Variants in AKAP19 observed in about 807,000 individuals in gnomAD.
AKAP19 encodes small A-kinase anchoring protein.
chr2:190,005,397 C>T, the AKAP19 span, among the ~76,000 whole-genome samples: 1 of 152,168 alleles, frequency 6.6e-6, no homozygotes, highest in East Asian at 1.9e-4. Context: ...AATCCTTTAG[C>T]TAGACACAGA....
chr2:190,026,381 C>A, the AKAP19 span, among the ~76,000 whole-genome samples: 1 of 152,164 alleles, frequency 6.6e-6, no homozygotes, highest in Admixed American at 6.5e-5. Context: ...CACAATGTAA[C>A]TTTATCAGTT....
chr2:190,122,644 T>C, the AKAP19 span, among the ~76,000 whole-genome samples: 1 of 152,328 alleles, frequency 6.6e-6, no homozygotes, highest in African/African-American at 2.4e-5. Flanking sequence ...GACTCCACAA[T>C]AGTGCTTGGC....
At chr2:189,923,584 C>A in the AKAP19 span, 4 of 1,614,032 alleles carry the variant, frequency 2.5e-6, 1 homozygote, top group South Asian at 2.2e-5. Context: ...TAGATATTAA[C>A]CTGGCTGCAG....
At chr2:189,997,384 G>T in the AKAP19 span, among the ~76,000 whole-genome samples, 2 of 152,302 alleles carry the variant, frequency 1.3e-5, no homozygotes, top group South Asian at 4.2e-4. Context: ...ACTGGGGCAG[G>T]TAGAGAAATA....
chr2:190,134,294 C>G, the AKAP19 span, among the ~76,000 whole-genome samples: 1 of 152,024 alleles, frequency 6.6e-6, no homozygotes, highest in Admixed American at 6.5e-5. Context: ...TGATGTTACT[C>G]CTGGGACCAG....
the AKAP19 span, among the ~76,000 whole-genome samples, chr2:189,970,709 A>G: frequency 1.3e-5 from 2 of 152,242 alleles, no homozygotes; most frequent in Admixed American, 1.3e-4. Flanking sequence ...AGGCAAGAGT[A>G]TCTTTTGGTT....
At chr2:190,024,328 G>GTATA in the AKAP19 span, among the ~76,000 whole-genome samples, 25 of 144,546 alleles carry the variant, frequency 1.7e-4, no homozygotes, top group African/African-American at 6.3e-4. Flanking sequence ...GTGTGTGTGT[G>GTATA]TATATATATA....
chr2:190,181,971 A>C, the AKAP19 span, among the ~76,000 whole-genome samples: 1 of 152,252 alleles, frequency 6.6e-6, no homozygotes, highest in African/African-American at 2.4e-5. Flanking sequence ...GGTCTGGAAG[A>C]ATAATTTCAG....
At chr2:190,162,557 A>C in the AKAP19 span, among the ~76,000 whole-genome samples, 1 of 152,196 alleles carries the variant, frequency 6.6e-6, no homozygotes, top group African/African-American at 2.4e-5. Flanking sequence ...CTGCTACTAC[A>C]TTTATGACTA....
At chr2:190,148,522 A>T in the AKAP19 span, among the ~76,000 whole-genome samples, 1 of 152,180 alleles carries the variant, frequency 6.6e-6, no homozygotes, top group Non-Finnish European at 1.5e-5. Context: ...TGGCTTCATA[A>T]AATGAATTAG....
chr2:190,104,226 T>C, the AKAP19 span, among the ~76,000 whole-genome samples: 1 of 152,194 alleles, frequency 6.6e-6, no homozygotes, highest in Non-Finnish European at 1.5e-5. Flanking sequence ...CCTCAAACTG[T>C]AAGAATCTTA....
the AKAP19 span, among the ~76,000 whole-genome samples, chr2:190,139,816 G>T: frequency 1.3e-5 from 2 of 151,932 alleles, no homozygotes; most frequent in African/African-American, 4.8e-5. Context: ...ATCTCATGTC[G>T]TCACATTTCA....
the AKAP19 span, among the ~76,000 whole-genome samples, chr2:189,950,473 C>T: frequency 6.6e-6 from 1 of 151,564 alleles, no homozygotes; most frequent in Non-Finnish European, 1.5e-5. Context: ...TAAGTCTCTA[C>T]CTTCAGACCA....
chr2:189,989,820 G>C, the AKAP19 span, among the ~76,000 whole-genome samples: 1 of 152,110 alleles, frequency 6.6e-6, no homozygotes, highest in African/African-American at 2.4e-5. Flanking sequence ...AGAAGTGCAA[G>C]AGTTGAATAG....
At chr2:189,884,715 T>C in the AKAP19 span, among the ~76,000 whole-genome samples, 1 of 152,248 alleles carries the variant, frequency 6.6e-6, no homozygotes, top group Non-Finnish European at 1.5e-5. Flanking sequence ...TTGAGGATAC[T>C]CTGTTTATGC....
the AKAP19 span, among the ~76,000 whole-genome samples, chr2:190,047,777 G>A: frequency 6.6e-6 from 1 of 152,200 alleles, no homozygotes. Context: ...TTGAGAGGCT[G>A]AATGACATAC....
the AKAP19 span, among the ~76,000 whole-genome samples, chr2:189,992,911 T>C: frequency 1.3e-5 from 2 of 152,334 alleles, no homozygotes; most frequent in Admixed American, 6.5e-5. Flanking sequence ...TATAGGAGCT[T>C]TTTGGATGAA....
the AKAP19 span, among the ~76,000 whole-genome samples, chr2:190,004,325 A>C: frequency 3.9e-5 from 6 of 152,336 alleles, no homozygotes; most frequent in South Asian, 1.2e-3. Context: ...CCTACTAGCC[A>C]GTGTGAGCAT....
the AKAP19 span, among the ~76,000 whole-genome samples, chr2:189,993,376 A>T: frequency 6.6e-6 from 1 of 152,132 alleles, no homozygotes; most frequent in Non-Finnish European, 1.5e-5. Flanking sequence ...CTTGATCATA[A>T]TGTATTATGT....
Sources: gnomAD v4.1 joint callset for allele counts (sites outside exome capture counted in the v4.1 genomes callset) on GRCh38, gnomAD v4.1.1 for gene constraint, MANE v1.5 for transcripts, NCBI Gene and HGNC (gene_info 2026-07-23, HGNC 2026-07-21) for gene names.